Variants in KRT85 observed in about 807,000 individuals in gnomAD.
The protein encoded by KRT85 is keratin, type II cuticular Hb5.
A neutral mutation model predicts 53.7 loss-of-function variants in KRT85; 39 were observed. The ratio of observed to expected loss-of-function variants is 0.73; its 90% confidence interval spans 0.56 to 0.95. KRT85 has a LOEUF of 0.95. KRT85 is among the 40% of genes least tolerant of loss of function. The pLI, the probability that KRT85 is intolerant of heterozygous loss-of-function variation, is 0.00. For missense variants in KRT85, 668 were observed against 686.0 expected, an observed-to-expected ratio of 0.97 and a Z score of 0.29; for synonymous variants, 291 against 277.5, an observed-to-expected ratio of 1.05 and a Z score of -0.48.
chr12:52,362,769 C>T, intron 6 of KRT85, 85 bp downstream of exon 6: 1 of 1,602,338 alleles, frequency 6.2e-7, no homozygotes, highest in Non-Finnish European at 8.6e-7. Context: ...GTCCCTGCTT[C>T]CTCATGGGCA....
Position 52,366,939 on chromosome 12 carries a change from G to C in KRT85, c.420+47C>G, listed in dbSNP as rs767737616. On this transcript the variant is annotated intron_variant, in intron 1 of 8. Transcript: ENST00000257901. ...TCAGCAGACTGGGACCTCCCCAAGG[G>C]AGGACAGGGCTGGAGGCTTCTCTGG... 10 of 1,613,926 alleles carry C rather than the reference G, an allele frequency of 6.2e-6. No individual in the cohort carries two copies. The South Asian group carries it at 9.9e-5, about 16-fold the overall frequency.
At chr12:52,364,933 CCT>C (rs777666172) in intron 2 of KRT85, 27 bp downstream of exon 2, 4 of 1,612,154 alleles carry the variant, frequency 2.5e-6, no homozygotes, top group African/African-American at 1.3e-5. Flanking sequence ...CTGAGTTTCC[CCT>C]GAGTCCCCCC....
rs1939245136 is a variant in KRT85, at chr12:52,364,611, A to G, written c.630-245T>C. 3.5e-6 allele frequency: 5 copies of G among 1,440,712 alleles called. No homozygotes were observed. The East Asian group carries it at 1.2e-4, about 36-fold the overall frequency. The allele number at this position is 1,440,712 out of a possible 1,614,324, so 89.2% of individuals were successfully genotyped here. A position where few individuals can be genotyped will look rare whatever the true frequency, so the allele number is the denominator to read the frequency against. On this transcript the variant is annotated intron_variant, in intron 2 of 8. Coordinates refer to ENST00000257901, the MANE Select transcript of KRT85 (RefSeq NM_002283.4). The stretch of plus-strand genomic sequence containing the variant: ...AATGCACATTCCTTCCCCCAAGTCT[A>G]AAATCATCTGTGCATCCTAGGTCCC...
Position 52,367,283 on chromosome 12 carries a change from C to G in KRT85, c.123G>C (p.Gly41=). The part of the protein sequence containing the change: ...RCCISAAPYR[G]VSCYRGLTGF... ...CCGTCAGCCCTCGGTAGCAGGACAC[C>G]CCTCGGTAGGGGGCGGCGCTGATGC... The change falls in exon 1 of 9, where the codon GGG becomes GGC. Residue 41 remains glycine, a synonymous_variant. Coordinates refer to ENST00000257901, the MANE Select transcript of KRT85 (RefSeq NM_002283.4). 2 of 1,612,990 alleles carry G rather than the reference C, an allele frequency of 1.2e-6. No individual in the cohort carries two copies. Among genetic ancestry groups the G allele is most frequent in the Non-Finnish European group, 1.7e-6 (2 of 1,179,220 alleles).
intron 3 of KRT85, 25 bp from the exon 4 acceptor site, chr12:52,364,188 G>A (rs756425214): frequency 6.2e-7 from 1 of 1,613,276 alleles, no homozygotes; most frequent in Admixed American, 1.7e-5. Context: ...AAGAGGAGGG[G>A]ACATGCATGT....
rs775687879 is a variant in KRT85, at chr12:52,367,133, G to A, written c.273C>T (p.Ser91=). 6.2e-6 allele frequency: 10 copies of A among 1,613,294 alleles called. No individual in the cohort carries two copies. Among genetic ancestry groups the A allele is most frequent in the African/African-American group, 1.3e-5 (1 of 74,908 alleles). The part of the protein sequence containing the change: ...GYRSGGVCGP[S]PPCITTVSVN... ...CCGACACGGTAGTGATGCATGGGGG[G>A]CTGGGTCCGCACACGCCCCCGGAGC... The change falls in exon 1 of 9, where the codon AGC becomes AGT. Residue 91 remains serine, a synonymous_variant. Transcript: ENST00000257901.
rs773634498 is a variant in KRT85, at chr12:52,367,287, C to T, written c.119G>A (p.Arg40Gln). Residue 40 changes from arginine (R) to glutamine (Q), a missense_variant, in exon 1 of 9, where the codon CGA becomes CAA. Arg to Gln is a conservative substitution (Grantham distance 43). Coordinates refer to ENST00000257901, the MANE Select transcript of KRT85 (RefSeq NM_002283.4). ...CAGCCCTCGGTAGCAGGACACCCCTCGGTAGGGGGCGGCGCTGATGCAGCA... is the reference window on the plus strand; with the variant it reads ...CAGCCCTCGGTAGCAGGACACCCCTTGGTAGGGGGCGGCGCTGATGCAGCA... ...NRCCISAAPY[R>Q]GVSCYRGLTG... is the part of the protein sequence containing the mutation. 1.2e-5 allele frequency: 20 copies of T among 1,613,010 alleles called. No individual in the cohort carries two copies. The highest frequency in any genetic ancestry group is 5.0e-5 in the Admixed American group (3 of 59,976).
In KRT85 at chr12:52,365,455, G is replaced by A. The variant is rs2658654; in HGVS notation, c.421-285C>T. 0.2 allele frequency among the ~76,000 whole-genome samples: 31,060 copies of A among 152,142 alleles called. 3,247 individuals carry two copies. The highest frequency in any genetic ancestry group is 0.27 in the Admixed American group (4,163 of 15,284). ...AGTTTTCTCCTTTCCAAAATGGAGC[G>A]AATAGTGTCTGTCTTAGCACTGTTG... is the stretch of plus-strand genomic sequence containing the variant. On this transcript the variant is annotated intron_variant, in intron 1 of 8. Transcript: ENST00000257901.
chr12:52,363,367 A>G lies in KRT85; in HGVS notation c.830T>C (p.Ile277Thr), dbSNP rs1249294284. 1.9e-6 allele frequency: 3 copies of G among 1,614,006 alleles called. No homozygotes were observed. Among genetic ancestry groups the G allele is most frequent in the Admixed American group, 1.7e-5 (1 of 60,016 alleles). ...GTCTCGGCTGTTGTCCATCTTGACT[A>G]TGACCGAGGTGTCTGAGATGTGGGC... ...LQAHISDTSV[I>T]VKMDNSRDLN... The change falls in exon 5 of 9, where the codon ATA becomes ACA. Residue 277 changes from isoleucine to threonine, a missense_variant. Coordinates refer to ENST00000257901, the MANE Select transcript of KRT85 (RefSeq NM_002283.4).
Position 52,367,266 on chromosome 12 carries a change from C to T in KRT85, c.140G>A (p.Gly47Glu), listed in dbSNP as rs973128105. ...GCTGCGGCTGCCGAAGCCCGTCAGC[C>T]CTCGGTAGCAGGACACCCCTCGGTA... Reference protein sequence around the residue: ...APYRGVSCYRGLTGFGSRSLC... With the variant: ...APYRGVSCYRELTGFGSRSLC... Residue 47 changes from glycine (G) to glutamate (E), a missense_variant, in exon 1 of 9, where the codon GGG (glycine) becomes GAG (glutamate). This residue lies in a region of KRT85 where 158 missense variants were observed against 141.8 expected (regional missense o/e 1.11). Coordinates refer to ENST00000257901, the MANE Select transcript of KRT85 (RefSeq NM_002283.4). 1.9e-6 allele frequency: 3 copies of T among 1,612,298 alleles called. No individual in the cohort carries two copies. The highest frequency in any genetic ancestry group is 1.3e-5 in the African/African-American group (1 of 74,904).
rs983560040 is a variant in KRT85 at position 52,364,946 on chromosome 12, A to G, written c.629+16T>C. ...CTCTGAGTTTCCCCTGAGTCCCCCCAGCTTGCTGCACTCACTTCTTCTTGT... is the reference window on the plus strand; with the variant it reads ...CTCTGAGTTTCCCCTGAGTCCCCCCGGCTTGCTGCACTCACTTCTTCTTGT... On this transcript the variant is annotated intron_variant, in intron 2 of 8. Transcript: ENST00000257901. The G allele has an allele frequency of 2.5e-6, 4 of 1,612,286 alleles. No homozygotes were observed. The highest frequency in any genetic ancestry group is 3.4e-6 in the Non-Finnish European group (4 of 1,179,876).
In KRT85 at chr12:52,365,320, G is replaced by C. The variant is rs1027538710; in HGVS notation, c.421-150C>G. The C allele has an allele frequency of 3.4e-5, 29 of 859,888 alleles. 1 individual carries two copies. The Admixed American group carries it at 4.0e-4, about 12-fold the overall frequency. The allele number at this position is 859,888 out of a possible 1,614,324, so 53.3% of individuals were successfully genotyped here. ...CAAGGGGCCCATTCCCAGGCCCCCA[G>C]GGAGGCAGTTGTGGGTGTGAGGGAA... On this transcript the variant is annotated intron_variant, in intron 1 of 8. Transcript: ENST00000257901.
In KRT85 at chr12:52,367,088, C is replaced by G. The variant is rs376400757; in HGVS notation, c.318G>C (p.Thr106=). The change falls in exon 1 of 9, where the codon ACG becomes ACC. Residue 106 remains threonine, a synonymous_variant. Coordinates refer to ENST00000257901, the MANE Select transcript of KRT85 (RefSeq NM_002283.4). ...TTVSVNESLL[T]PLNLEIDPNA... is the part of the protein sequence containing the mutation. ...TGGGGTCGATCTCCAGGTTGAGGGG[C>G]GTGAGGAGGCTCTCGTTGACCGACA... 1 of 1,613,376 alleles carries G rather than the reference C, an allele frequency of 6.2e-7. No individual in the cohort carries two copies. Among genetic ancestry groups the G allele is most frequent in the Non-Finnish European group, 8.5e-7 (1 of 1,179,912 alleles).
In KRT85 at chr12:52,364,250, C is replaced by G. The variant is rs377742832; in HGVS notation, c.690+56G>C. The G allele has an allele frequency of 1.4e-5, 22 of 1,612,726 alleles. No homozygotes were observed. The Admixed American group carries it at 1.7e-4, about 12-fold the overall frequency. ...TGGTCAGCATGGTGACCCTGCCCCTCGCTGGAGTTTGCACTGATGGGCCCC... is the reference window on the plus strand; with the variant it reads ...TGGTCAGCATGGTGACCCTGCCCCTGGCTGGAGTTTGCACTGATGGGCCCC... On this transcript the variant is annotated intron_variant, in intron 3 of 8. Coordinates refer to ENST00000257901, the MANE Select transcript of KRT85 (RefSeq NM_002283.4).
At chr12:52,362,774 T>C in intron 6 of KRT85, 80 bp downstream of exon 6, 3 of 1,607,514 alleles carry the variant, frequency 1.9e-6, no homozygotes, top group Non-Finnish European at 2.6e-6. Context: ...TGCTTCCTCA[T>C]GGGCACACTG....
Position 52,362,916 on chromosome 12 carries a change from T to G in KRT85, c.1015A>C (p.Ile339Leu). The change falls in exon 6 of 9, where the codon ATC becomes CTC. Residue 339 changes from isoleucine to leucine, a missense_variant. Physicochemically the swap from Ile to Leu is conservative, Grantham distance 5. Coordinates refer to ENST00000257901, the MANE Select transcript of KRT85 (RefSeq NM_002283.4). ...GETLRRTKEE[I>L]NELNRMIQRL... is the part of the protein sequence containing the mutation. ...TGGATCATGCGGTTCAGCTCGTTGATCTCCTCCTTGGTGCGGCGCAGGGTC... is the reference window on the plus strand; with the variant it reads ...TGGATCATGCGGTTCAGCTCGTTGAGCTCCTCCTTGGTGCGGCGCAGGGTC... The G allele has an allele frequency of 6.2e-7, 1 of 1,614,062 alleles. No homozygotes were observed.
At chr12:52,364,399 G>T in intron 2 of KRT85, 33 bp from the exon 3 acceptor site, 1 of 1,614,192 alleles carries the variant, frequency 6.2e-7, no homozygotes, top group Non-Finnish European at 8.5e-7. Context: ...CTGGAGCTGA[G>T]AAACTGGACC....
rs1939236165 is a variant in KRT85 at position 52,364,117 on chromosome 12, A to G, written c.737T>C (p.Val246Ala). Residue 246 changes from valine (V) to alanine (A), a missense_variant, in exon 4 of 9, where the codon GTG becomes GCG. Around this residue, in one of 3 missense-constraint regions of KRT85, gnomAD observed 488 missense variants for 498.1 expected, o/e 0.98. Transcript: ENST00000257901. ...GCTAGACTCCTCCACCAGGGCCTCC[A>G]CATTGGCCTCCAGGTCTGATTTCCG... ...YLRKSDLEAN[V>A]EALVEESSFL... The G allele has an allele frequency of 1.2e-6, 2 of 1,614,044 alleles. No individual in the cohort carries two copies. The highest frequency in any genetic ancestry group is 1.3e-5 in the African/African-American group (1 of 74,918).
chr12:52,360,693 A>C lies in KRT85; in HGVS notation c.*160T>G. The C allele has an allele frequency of 1.3e-6, 1 of 780,196 alleles. No individual in the cohort carries two copies. The highest frequency in any genetic ancestry group is 2.1e-6 in the Non-Finnish European group (1 of 468,252). The allele number at this position is 780,196 out of a possible 1,614,324, so 48.3% of individuals were successfully genotyped here. ...GCATCTCCCTAGCATGAAAAGGCGC[A>C]GGGGAGCGGCCCGAGGGTCTTTCCC... On this transcript the variant is annotated 3_prime_UTR_variant, in exon 9 of 9. Coordinates refer to ENST00000257901, the MANE Select transcript of KRT85 (RefSeq NM_002283.4).
Sources: gnomAD v4.1 joint callset for allele counts (sites outside exome capture counted in the v4.1 genomes callset) on GRCh38, gnomAD v4.1.1 for gene constraint, gnomAD v4.1.1 regional missense constraint, MANE v1.5 for transcripts, NCBI Gene and HGNC (gene_info 2026-07-23, HGNC 2026-07-21) for gene names.